The following EDA variants were observed in gnomAD, a reference collection of about 807,000 sequenced individuals.
The protein encoded by EDA is ectodysplasin A, also known as ectodysplasin-A.
In EDA, 2 loss-of-function variants were observed where a neutral mutation model predicts 23.6. The ratio of observed to expected loss-of-function variants is 0.08; its 90% CI spans 0.03 to 0.27. The LOEUF is 0.27. Ranked by LOEUF, EDA falls within the 10% of genes least tolerant of loss-of-function variation. The probability of loss-of-function intolerance (pLI) is 1.00; values close to 1 mark genes in which losing one functional copy is unlikely to be tolerated. For synonymous variants in EDA, 131 were observed against 132.0 expected, an observed-to-expected ratio of 0.99 and a Z score of 0.05; for missense variants, 229 against 324.2, an observed-to-expected ratio of 0.71 and a Z score of 2.26.
intron 1 of EDA, among the ~76,000 whole-genome samples, chrX:69,754,360 A>G (rs1466539186): frequency 9.0e-6 from 1 of 111,603 alleles, no homozygotes; most frequent in Non-Finnish European, 1.9e-5. Flanking sequence ...CTGGGTTGAA[A>G]ATTCTTTTCT....
chrX:69,776,792 G>A (rs760845425), intron 1 of EDA, among the ~76,000 whole-genome samples: 3 of 111,234 alleles, frequency 2.7e-5, no homozygotes, highest in Non-Finnish European at 3.8e-5. Flanking sequence ...TTAGTAGGTG[G>A]TTGGTCTTCA....
chrX:69,732,598 C>T (rs1415052648), intron 1 of EDA, among the ~76,000 whole-genome samples: 2 of 112,066 alleles, frequency 1.8e-5, no homozygotes, highest in African/African-American at 6.5e-5. Context: ...GATTTATAAT[C>T]CTTTGGGTAT....
rs772570886 is a variant in EDA, at chrX:69,990,810, G to A, written c.503-32408G>A. 2.1e-3 allele frequency among the ~76,000 whole-genome samples: 224 copies of A among 104,440 alleles called. 1 individual carries two copies. The highest frequency in any genetic ancestry group is 7.4e-3 in the African/African-American group (210 of 28,360). The allele number at this position is 104,440 out of a possible 115,157, so 90.7% of individuals were successfully genotyped here. A position where few individuals can be genotyped will look rare whatever the true frequency, so the allele number is the denominator to read the frequency against. ...TGCTGACTTCTTCACTTCCAAGTCT[G>A]GGATTTATGAGGCAGAAAGAAAACC... On this transcript the variant is annotated intron_variant, in intron 2 of 7. Coordinates refer to ENST00000374552, the MANE Select transcript of EDA (RefSeq NM_001399.5).
At chrX:69,952,596 C>G (rs1028004557) in intron 1 of EDA, among the ~76,000 whole-genome samples, 1 of 111,932 alleles carries the variant, frequency 8.9e-6, no homozygotes, top group Non-Finnish European at 1.9e-5. Flanking sequence ...TTTTCATATA[C>G]AGGCAGGCAG....
intron 1 of EDA, among the ~76,000 whole-genome samples, chrX:69,739,350 T>A (rs2013373006): frequency 1.8e-5 from 2 of 111,484 alleles, no homozygotes; most frequent in Non-Finnish European, 3.8e-5. Flanking sequence ...TTTCCATTAT[T>A]TTACTTTCAA....
chrX:69,948,908 A>G (rs2018873887), intron 1 of EDA, among the ~76,000 whole-genome samples: 2 of 111,527 alleles, frequency 1.8e-5, no homozygotes, highest in Admixed American at 1.9e-4. Context: ...ATCATTTTAT[A>G]TCTATGACAT....
chrX:69,932,043 C>T (rs988577972), intron 1 of EDA, among the ~76,000 whole-genome samples: 5 of 111,996 alleles, frequency 4.5e-5, no homozygotes, highest in Non-Finnish European at 9.4e-5. Context: ...CATATTATAA[C>T]GTTAGAATCT....
At chrX:69,982,640 G>C (rs1162436343) in intron 2 of EDA, among the ~76,000 whole-genome samples, 4 of 111,229 alleles carry the variant, frequency 3.6e-5, no homozygotes, top group Non-Finnish European at 7.5e-5. Flanking sequence ...ATAAAACAGA[G>C]TTCTTTTACA....
chrX:70,035,636 G>A lies in EDA; in HGVS notation c.*27G>A. On this transcript the variant is annotated 3_prime_UTR_variant, in exon 8 of 8. Coordinates refer to ENST00000374552, the MANE Select transcript of EDA (RefSeq NM_001399.5). ...TTCCCCCCATTTTGCCTCTGTCCGT[G>A]CCCCTTCCCTGGGTTTGGGAGCCAG... The A allele has an allele frequency of 2.5e-6, 3 of 1,205,497 alleles. No individual in the cohort carries two copies. The highest frequency in any genetic ancestry group is 3.6e-5 in the African/African-American group (2 of 56,336).
At chrX:69,788,877 G>A (rs1295474841) in intron 1 of EDA, among the ~76,000 whole-genome samples, 2 of 112,853 alleles carry the variant, frequency 1.8e-5, no homozygotes, top group Non-Finnish European at 3.8e-5. Context: ...AATGGCGGGC[G>A]CCCCTCCCCC....
chrX:70,004,177 AT>A (rs2019772658), intron 2 of EDA, among the ~76,000 whole-genome samples: 2 of 111,997 alleles, frequency 1.8e-5, no homozygotes, highest in Non-Finnish European at 3.8e-5. Flanking sequence ...CCACAGTAAT[AT>A]TTTTTAGTCT....
At chrX:69,813,132 A>G (rs964543564) in intron 1 of EDA, among the ~76,000 whole-genome samples, 3 of 111,467 alleles carry the variant, frequency 2.7e-5, no homozygotes, top group Admixed American at 9.6e-5. Flanking sequence ...TCCTGTTGAC[A>G]GGGGCTACTA....
At chrX:69,657,946 C>T (rs1158014513) in intron 1 of EDA, among the ~76,000 whole-genome samples, 1 of 111,379 alleles carries the variant, frequency 9.0e-6, no homozygotes, top group Non-Finnish European at 1.9e-5. Context: ...CTTGGCTATT[C>T]AAGCTGTTTT....
At chrX:69,644,585 T>G (rs1932882948) in intron 1 of EDA, among the ~76,000 whole-genome samples, 1 of 111,222 alleles carries the variant, frequency 9.0e-6, no homozygotes, top group Non-Finnish European at 1.9e-5. Context: ...CTTCCTCTCT[T>G]CCTATTTGAA....
intron 1 of EDA, among the ~76,000 whole-genome samples, chrX:69,725,689 C>T (rs1440109594): frequency 2.7e-5 from 3 of 112,460 alleles, no homozygotes; most frequent in African/African-American, 6.4e-5. Flanking sequence ...AATGAATGAA[C>T]GAACCAAGGA....
At chrX:69,856,852 A>T in intron 1 of EDA, among the ~76,000 whole-genome samples, 2 of 111,425 alleles carry the variant, frequency 1.8e-5, no homozygotes, top group African/African-American at 6.5e-5. Context: ...TCCTCTTGCC[A>T]TCCAAAAGCT....
At chrX:69,644,547 A>G (rs1932882485) in intron 1 of EDA, among the ~76,000 whole-genome samples, 2 of 111,543 alleles carry the variant, frequency 1.8e-5, no homozygotes, top group African/African-American at 6.5e-5. Context: ...ATATAGGATC[A>G]TGTCATCTGC....
chrX:69,688,626 C>A (rs978682703), intron 1 of EDA, among the ~76,000 whole-genome samples: 1 of 111,135 alleles, frequency 9.0e-6, no homozygotes, highest in African/African-American at 3.3e-5. Flanking sequence ...GTCTCAAACT[C>A]CTGGCCTCAA....
chrX:69,935,356 G>A (rs1398336974), intron 1 of EDA, among the ~76,000 whole-genome samples: 1 of 111,182 alleles, frequency 9.0e-6, no homozygotes, highest in African/African-American at 3.3e-5. Flanking sequence ...TTAGTTTTTT[G>A]AGGAACCTCC....
Sources: allele counts gnomAD v4.1 joint callset (sites outside exome capture counted in the v4.1 genomes callset), GRCh38; gene constraint gnomAD v4.1.1; transcripts MANE v1.5; gene names NCBI Gene and HGNC (gene_info 2026-07-23, HGNC 2026-07-21).